The following TRPS1 variants were observed in gnomAD, a reference collection of about 807,000 sequenced individuals.
The protein encoded by TRPS1 is zinc finger transcription factor Trps1.
A neutral mutation model predicts 101.2 loss-of-function variants in TRPS1; 6 were observed. That is an observed-to-expected ratio of 0.06 (90% confidence interval 0.03 to 0.12). The LOEUF (loss-of-function observed/expected upper bound fraction) is 0.12, where lower values mean the gene tolerates loss of function less well. Among genes scored for constraint, TRPS1 ranks in the 10% least tolerant of loss-of-function variants. TRPS1 has a pLI of 1.00. For synonymous variants in TRPS1, 578 were observed against 589.8 expected (o/e 0.98, Z 0.29); for missense variants, 1,363 against 1,567.0 (o/e 0.87, Z 2.20).
At chr8:115,573,101 GC>G (rs2130402349) in intron 5 of TRPS1, among the ~76,000 whole-genome samples, 1 of 151,746 alleles carries the variant, frequency 6.6e-6, no homozygotes, top group African/African-American at 2.4e-5. Flanking sequence ...TCCAGCCTGG[GC>G]AACAAGAGCG....
chr8:115,551,625 C>T (rs753154828), intron 5 of TRPS1, among the ~76,000 whole-genome samples: 7 of 152,056 alleles, frequency 4.6e-5, no homozygotes, highest in Non-Finnish European at 1.0e-4. Flanking sequence ...TATTATGATG[C>T]TTCCAGGAAA....
At chr8:115,451,333 T>G (rs1043676425) in intron 5 of TRPS1, among the ~76,000 whole-genome samples, 2 of 152,162 alleles carry the variant, frequency 1.3e-5, no homozygotes, top group Admixed American at 6.5e-5. Context: ...CTTTTTTTTT[T>G]CAATGAGTAT....
Position 115,414,936 on chromosome 8 carries a change from C to T in TRPS1, c.2972G>A (p.Ser991Asn), listed in dbSNP as rs370396855. Reference sequence around the variant, plus strand: ...ATCTTCTGACCTCCTCTCTAACGGGCTTCCATTGACTTGCTCCTCATTGCT... The same window carrying T: ...ATCTTCTGACCTCCTCTCTAACGGGTTTCCATTGACTTGCTCCTCATTGCT... ...RGSNEEQVNG[S>N]PLERRSEDHL... Residue 991 changes from serine (S) to asparagine (N), a missense_variant, in exon 7 of 7, where the codon AGC (serine) becomes AAC (asparagine). This residue lies in a region of TRPS1 where 307 missense variants were observed against 392.4 expected (regional missense o/e 0.78). Coordinates refer to ENST00000395715, the MANE Select transcript of TRPS1 (RefSeq NM_014112.5). The surrounding 1 kb of genome is among the most constrained non-coding windows in gnomAD (Gnocchi z 4.8). The T allele has an allele frequency of 6.3e-6, 10 of 1,596,876 alleles. No individual in the cohort carries two copies. Among genetic ancestry groups the T allele is most frequent in the Middle Eastern group, 1.7e-4 (1 of 5,964 alleles).
At position 115,587,468 on chromosome 8, in the gene TRPS1, C is replaced by T. The variant is rs1271278749; in HGVS notation, c.2233G>A (p.Ala745Thr). ...TTANGEEDGHAISTIKEEPKI... is the reference protein window; with the variant it reads ...TTANGEEDGHTISTIKEEPKI... ...GGCTCCTCTTTGATGGTGGATATGG[C>T]ATGACCGTCCTCTTCGCCGTTGGCT... The change falls in exon 5 of 7, where the codon GCC becomes ACC. Residue 745 changes from alanine (A) to threonine (T), a missense_variant. By Grantham distance (58) the Ala-to-Thr change is moderately conservative. Transcript: ENST00000395715. 1 of 1,614,152 alleles carries T rather than the reference C, an allele frequency of 6.2e-7. No individual in the cohort carries two copies. The highest frequency in any genetic ancestry group is 2.2e-5 in the East Asian group (1 of 44,876).
At chr8:115,526,840 G>A (rs12549788) in intron 5 of TRPS1, among the ~76,000 whole-genome samples, 93,397 of 151,978 alleles carry the variant, frequency 0.61, 29,172 homozygotes, top group East Asian at 0.84. Context: ...ACTGCCAGTA[G>A]CCCAATTTTG....
chr8:115,541,800 A>G (rs1816459962), intron 5 of TRPS1, among the ~76,000 whole-genome samples: 2 of 152,304 alleles, frequency 1.3e-5, no homozygotes, highest in African/African-American at 4.8e-5. Flanking sequence ...TTCAGCCAAA[A>G]TTCTTGACCG....
chr8:115,570,655 T>C (rs1038748231), intron 5 of TRPS1, among the ~76,000 whole-genome samples: 9 of 148,852 alleles, frequency 6.0e-5, no homozygotes, highest in Non-Finnish European at 1.3e-4. Flanking sequence ...TCCTTGCTTT[T>C]AGTGGAAAAA....
chr8:115,412,155 A>G lies in TRPS1; in HGVS notation c.*1868T>C, dbSNP rs1390361372. The G allele has an allele frequency of 6.6e-6, 1 of 152,190 alleles. No individual in the cohort carries two copies. Among genetic ancestry groups the G allele is most frequent in the Non-Finnish European group, 1.5e-5 (1 of 67,936 alleles). 9.4% of individuals were successfully genotyped at this position (152,190 alleles called of 1,614,324 possible). A position where few individuals can be genotyped will look rare whatever the true frequency, so the allele number is the denominator to read the frequency against. On this transcript the variant is annotated 3_prime_UTR_variant, in exon 7 of 7. Coordinates refer to ENST00000395715, the MANE Select transcript of TRPS1 (RefSeq NM_014112.5). ...ATATGTTTATCATCTTAAGCATAAC[A>G]ATGTGAGTTAAGAGCTTAAAAATTA...
At chr8:115,663,249 CTT>C (rs111334281) in intron 1 of TRPS1, among the ~76,000 whole-genome samples, 1 of 145,580 alleles carries the variant, frequency 6.9e-6, no homozygotes. Flanking sequence ...CTTACTTGAA[CTT>C]TTTTTTTTTT....
intron 5 of TRPS1, among the ~76,000 whole-genome samples, chr8:115,514,283 G>A (rs2130196646): frequency 6.6e-6 from 1 of 151,786 alleles, no homozygotes; most frequent in South Asian, 2.1e-4. Flanking sequence ...CCCAAATCTA[G>A]TTTTAGGTGG....
chr8:115,622,822 T>A (rs1406827415), intron 2 of TRPS1, among the ~76,000 whole-genome samples: 5 of 152,090 alleles, frequency 3.3e-5, no homozygotes, highest in Non-Finnish European at 7.4e-5. Flanking sequence ...ATCAAAATGA[T>A]GAGAAAATGG....
At position 115,620,179 on chromosome 8, in the gene TRPS1, T is replaced by C. The variant is rs1818362872; in HGVS notation, c.38-119A>G. ...AAGGTGCATAATCAAATGCTTCCTC[T>C]AGGAAAAAAAAAAAAACCCATTCTA... On this transcript the variant is annotated intron_variant, in intron 2 of 6. Coordinates refer to ENST00000395715, the MANE Select transcript of TRPS1 (RefSeq NM_014112.5). 10 of 898,000 alleles carry C rather than the reference T, an allele frequency of 1.1e-5. No individual in the cohort carries two copies. The South Asian group carries it at 1.9e-4, about 17-fold the overall frequency. The allele number at this position is 898,000 out of a possible 1,614,324, so 55.6% of individuals were successfully genotyped here. A position where few individuals can be genotyped will look rare whatever the true frequency, so the allele number is the denominator to read the frequency against.
chr8:115,634,704 C>T (rs1435194457), intron 1 of TRPS1, among the ~76,000 whole-genome samples: 1 of 151,964 alleles, frequency 6.6e-6, no homozygotes, highest in Middle Eastern at 3.2e-3. Flanking sequence ...AAAGAGTTAA[C>T]ATATCATGAG....
At chr8:115,505,852 C>T (rs564938868) in intron 5 of TRPS1, among the ~76,000 whole-genome samples, 2 of 152,178 alleles carry the variant, frequency 1.3e-5, no homozygotes, top group South Asian at 4.1e-4. Context: ...CACTGAAAAG[C>T]TTACAAATTT....
intron 5 of TRPS1, among the ~76,000 whole-genome samples, chr8:115,420,063 C>T (rs1371818359): frequency 6.6e-6 from 1 of 152,138 alleles, no homozygotes; most frequent in African/African-American, 2.4e-5. Flanking sequence ...ACCAAGAACA[C>T]GATTTCATTA....
At chr8:115,497,734 A>T (rs1482190880) in intron 5 of TRPS1, among the ~76,000 whole-genome samples, 1 of 152,204 alleles carries the variant, frequency 6.6e-6, no homozygotes, top group African/African-American at 2.4e-5. Flanking sequence ...AATTTTTGAC[A>T]TTATATATGA....
rs1563716999 is a variant in TRPS1 at position 115,418,374 on chromosome 8, C to T, written c.2779G>A (p.Gly927Arg). Residue 927 changes from glycine to arginine, a missense_variant, in exon 6 of 7, where the codon GGA (glycine) becomes AGA (arginine). Around this residue, in one of 5 missense-constraint regions of TRPS1, gnomAD observed 2 missense variants for 35.8 expected, o/e 0.06. Transcript: ENST00000395715. The surrounding 1 kb of genome is among the most constrained non-coding windows in gnomAD (Gnocchi z 4.3). ...TSLWRKNANG[G>R]YVCNACGLYQ... ...AGGCCACACGCGTTGCATACATATC[C>T]GCCATTTGCATTCTTTCGCCAGAGA... 1.2e-6 allele frequency: 2 copies of T among 1,613,984 alleles called. No individual in the cohort carries two copies. The highest frequency in any genetic ancestry group is 1.3e-5 in the African/African-American group (1 of 74,884).
intron 1 of TRPS1, among the ~76,000 whole-genome samples, chr8:115,653,717 A>G (rs2737258): frequency 1 from 152,320 of 152,320 alleles, 76,160 homozygotes; most frequent in Non-Finnish European, 1. Flanking sequence ...TTCTGGCTAA[A>G]AGACAGAGCG....
chr8:115,553,566 T>C (rs1002053152), intron 5 of TRPS1, among the ~76,000 whole-genome samples: 3 of 152,178 alleles, frequency 2.0e-5, no homozygotes, highest in Non-Finnish European at 4.4e-5. Context: ...TGTACAATAT[T>C]CTATTTTCCT....
Sources: gnomAD v4.1 joint callset for allele counts (sites outside exome capture counted in the v4.1 genomes callset) on GRCh38, gnomAD v4.1.1 for gene constraint, gnomAD v4.1.1 regional missense constraint, Gnocchi (gnomAD v3.1) non-coding constraint, MANE v1.5 for transcripts, NCBI Gene and HGNC (gene_info 2026-07-23, HGNC 2026-07-21) for gene names.